The following MAPK11 variants were observed in gnomAD, a reference collection of about 807,000 sequenced individuals.
The protein encoded by MAPK11 is MAP kinase 11.
Under a neutral mutation model 52.2 loss-of-function variants are expected in MAPK11, and 44 were observed. The observed-to-expected ratio is 0.84, with a 90% CI of 0.66 to 1.08. The LOEUF (loss-of-function observed/expected upper bound fraction) is 1.08, where lower values mean the gene tolerates loss of function less well. Among genes scored for constraint, MAPK11 ranks in the 50% least tolerant of loss-of-function variants. The pLI is 0.00. For missense variants in MAPK11, 436 were observed against 494.7 expected (o/e 0.88, Z 1.13); for synonymous variants, 233 against 206.3 (o/e 1.13, Z -1.11).
In MAPK11 at chr22:50,267,853, C is replaced by A; in HGVS notation, c.213G>T (p.Glu71Asp). ...SLIHARRTYR[E>D]LRLLKHLKHE... ...GCTTCAGGTGCTTGAGCAGCCGCAG[C>A]TCCCGGTACGTTCTGCGCGCGTGGA... The change falls in exon 2 of 12, where the codon GAG becomes GAT. Residue 71 changes from glutamate (E) to aspartate (D), a missense_variant. Physicochemically the swap from Glu to Asp is conservative, Grantham distance 45. Coordinates refer to ENST00000330651, the MANE Select transcript of MAPK11 (RefSeq NM_002751.7). 1 of 1,582,788 alleles carries A rather than the reference C, an allele frequency of 6.3e-7. No individual in the cohort carries two copies. Among genetic ancestry groups the A allele is most frequent in the Non-Finnish European group, 8.6e-7 (1 of 1,167,612 alleles).
At position 50,267,121 on chromosome 22, in the gene MAPK11, C is replaced by T. The variant is rs770122118; in HGVS notation, c.495+6G>A. 1 of 1,611,956 alleles carries T rather than the reference C, an allele frequency of 6.2e-7. No individual in the cohort carries two copies. The highest frequency in any genetic ancestry group is 8.5e-7 in the Non-Finnish European group (1 of 1,179,604). On this transcript the variant is annotated splice_donor_region_variant and intron_variant, in intron 6 of 11. Coordinates refer to ENST00000330651, the MANE Select transcript of MAPK11 (RefSeq NM_002751.7). ...CGCCCTGCCCACCCCTGCCCACGGGCCTCACCCTGAGCTCACAGTCCTCGT... is the reference window on the plus strand; with the variant it reads ...CGCCCTGCCCACCCCTGCCCACGGGTCTCACCCTGAGCTCACAGTCCTCGT...
At chr22:50,267,669 G>T in intron 2 of MAPK11, 42 bp from the exon 3 acceptor site, 1 of 1,502,868 alleles carries the variant, frequency 6.7e-7, no homozygotes. Context: ...CGAACCCCCG[G>T]CTGTCGTTCA....
chr22:50,267,115 C>T lies in MAPK11; in HGVS notation c.495+12G>A. 1 of 1,611,796 alleles carries T rather than the reference C, an allele frequency of 6.2e-7. No homozygotes were observed. Among genetic ancestry groups the T allele is most frequent in the Non-Finnish European group, 8.5e-7 (1 of 1,179,544 alleles). Reference sequence around the variant, plus strand: ...CGCCGCCGCCCTGCCCACCCCTGCCCACGGGCCTCACCCTGAGCTCACAGT... The same window carrying T: ...CGCCGCCGCCCTGCCCACCCCTGCCTACGGGCCTCACCCTGAGCTCACAGT... On this transcript the variant is annotated intron_variant, in intron 6 of 11. Transcript: ENST00000330651.
Position 50,266,987 on chromosome 22 carries a change from C to A in MAPK11, c.557G>T (p.Arg186Leu). The A allele has an allele frequency of 6.2e-7, 1 of 1,612,466 alleles. No individual in the cohort carries two copies. Among genetic ancestry groups the A allele is most frequent in the Non-Finnish European group, 8.5e-7 (1 of 1,179,974 alleles). Residue 186 changes from arginine (R) to leucine (L), a missense_variant, in exon 7 of 12, where the codon CGC becomes CTC. Arg to Leu is a moderately radical substitution (Grantham distance 102). Transcript: ENST00000330651. Reference sequence around the variant, plus strand: ...CATGATCTCAGGTGCCCGGTACCAGCGCGTGGCCACATAGCCGGTCATCTC... The same window carrying A: ...CATGATCTCAGGTGCCCGGTACCAGAGCGTGGCCACATAGCCGGTCATCTC... Reference protein sequence around the residue: ...DEEMTGYVATRWYRAPEIMLN... With the variant: ...DEEMTGYVATLWYRAPEIMLN...
At chr22:50,268,443 G>T (rs1286318484) in intron 1 of MAPK11, among the ~76,000 whole-genome samples, 2 of 152,214 alleles carry the variant, frequency 1.3e-5, no homozygotes, top group Non-Finnish European at 2.9e-5. Flanking sequence ...AATACGGAGG[G>T]AAAGTTGGTC....
At chr22:50,265,225 C>T in intron 11 of MAPK11, 96 bp downstream of exon 11, 1 of 1,528,872 alleles carries the variant, frequency 6.5e-7, no homozygotes, top group East Asian at 2.3e-5. Flanking sequence ...CCCTTCCACA[C>T]CTGACCAGTC....
chr22:50,267,778 CCCCCGCACGCGCCCT>C (rs2065277481), intron 2 of MAPK11, 27 bp downstream of exon 2: 7 of 1,481,918 alleles, frequency 4.7e-6, no homozygotes, highest in Non-Finnish European at 5.4e-6. Flanking sequence ...CGCGGCCCCG[CCCCCGCACGCGCCCT>C]CCCCCCACGG....
rs1230649162 is a variant in MAPK11 at position 50,267,458 on chromosome 22, G to A, written c.330C>T (p.Gly110=). ...SEVYLVTTLM[G]ADLNNIVKCQ... is the part of the protein sequence containing the mutation. ...ACTTGACGATGTTGTTCAGGTCGGC[G>A]CCCATCAGGGTGGTCACCAAGTACC... The change falls in exon 4 of 12, where the codon GGC becomes GGT. Residue 110 remains glycine (G), a synonymous_variant. Transcript: ENST00000330651. The A allele has an allele frequency of 1.3e-5, 21 of 1,608,004 alleles. No homozygotes were observed. The highest frequency in any genetic ancestry group is 1.7e-5 in the Non-Finnish European group (20 of 1,177,892).
chr22:50,267,895 G>T lies in MAPK11; in HGVS notation c.171C>A (p.Arg57=). ...RQKVAVKKLS[R]PFQSLIHARR... Reference sequence around the variant, plus strand: ...GCGCGTGGATCAGCGACTGGAAGGGGCGCGACAGCTTCTTCACCGCCACCT... The same window carrying T: ...GCGCGTGGATCAGCGACTGGAAGGGTCGCGACAGCTTCTTCACCGCCACCT... Residue 57 remains arginine, a synonymous_variant, in exon 2 of 12, where the codon CGC becomes CGA. Coordinates refer to ENST00000330651, the MANE Select transcript of MAPK11 (RefSeq NM_002751.7). The T allele has an allele frequency of 3.8e-6, 6 of 1,588,068 alleles. No individual in the cohort carries two copies. The highest frequency in any genetic ancestry group is 5.1e-6 in the Non-Finnish European group (6 of 1,169,798).
Position 50,264,978 on chromosome 22 carries a change from C to T in MAPK11, c.1065G>A (p.Lys355=), listed in dbSNP as rs1315343331. 6.2e-7 allele frequency: 1 copy of T among 1,613,036 alleles called. No homozygotes were observed. The highest frequency in any genetic ancestry group is 1.1e-5 in the South Asian group (1 of 90,872). The part of the protein sequence containing the change: ...VLSFKPPEPP[K]PPGSLEIEQ Reference sequence around the variant, plus strand: ...GCTCAATCTCCAGGCTGCCAGGTGGCTTCGGTGGCTCTGGGGGCTTGAAGC... The same window carrying T: ...GCTCAATCTCCAGGCTGCCAGGTGGTTTCGGTGGCTCTGGGGGCTTGAAGC... Residue 355 remains lysine (K), a synonymous_variant, in exon 12 of 12, where the codon AAG becomes AAA. Coordinates refer to ENST00000330651, the MANE Select transcript of MAPK11 (RefSeq NM_002751.7).
chr22:50,268,376 G>A (rs539910615), intron 1 of MAPK11, among the ~76,000 whole-genome samples: 9 of 152,340 alleles, frequency 5.9e-5, no homozygotes, highest in Non-Finnish European at 1.2e-4. Context: ...GGCTCACAGA[G>A]GGGGATTCTA....
rs1367813189 is a variant in MAPK11, at chr22:50,264,309, CG to C, written c.*638del. On this transcript the variant is annotated 3_prime_UTR_variant, in exon 12 of 12. Transcript: ENST00000330651. ...TCACATGTGCCCTGACATATGAACA[CG>C]GGGAGTGCACGCTCATCCACACGTG... 1 of 152,440 alleles carries C rather than the reference CG, an allele frequency of 6.6e-6. No individual in the cohort carries two copies. Among genetic ancestry groups the C allele is most frequent in the South Asian group, 2.1e-4 (1 of 4,840 alleles). The allele number at this position is 152,440 out of a possible 1,614,324, so 9.4% of individuals were successfully genotyped here. A position where few individuals can be genotyped will look rare whatever the true frequency, so the allele number is the denominator to read the frequency against.
rs753406866 is a variant in MAPK11, at chr22:50,267,962, C to A, written c.117-13G>T. On this transcript the variant is annotated splice_polypyrimidine_tract_variant and intron_variant, in intron 1 of 11. Coordinates refer to ENST00000330651, the MANE Select transcript of MAPK11 (RefSeq NM_002751.7). ...GTCGTAGGCCGAACTGGAAGGCGGG[C>A]GAGTGAGGCGGCGCCGGGAGGGGTC... is the stretch of plus-strand genomic sequence containing the variant. The A allele has an allele frequency of 1.0e-5, 16 of 1,539,086 alleles. 1 individual carries two copies. Among genetic ancestry groups the A allele is most frequent in the South Asian group, 6.0e-5 (5 of 82,804 alleles).
intron 2 of MAPK11, 84 bp downstream of exon 2, chr22:50,267,736 A>G (rs926671560): frequency 3.4e-6 from 3 of 894,476 alleles, no homozygotes; most frequent in African/African-American, 4.5e-5. Flanking sequence ...CCCCGCCCCC[A>G]TCGCCAGGGC....
chr22:50,266,859 G>T, intron 7 of MAPK11, 75 bp downstream of exon 7: 4 of 1,413,938 alleles, frequency 2.8e-6, no homozygotes, highest in Non-Finnish European at 3.9e-6. Context: ...TGCCCCCTAA[G>T]ACCTGGCATG....
chr22:50,264,810 C>CG lies in MAPK11; in HGVS notation c.*137_*138insC. The CG allele has an allele frequency of 1.7e-6, 1 of 593,118 alleles. No homozygotes were observed. Among genetic ancestry groups the CG allele is most frequent in the South Asian group, 2.2e-5 (1 of 44,986 alleles). 36.7% of individuals were successfully genotyped at this position (593,118 alleles called of 1,614,324 possible). A position where few individuals can be genotyped will look rare whatever the true frequency, so the allele number is the denominator to read the frequency against. ...GCATGCATACATGCGTGTAGATTCTCCTGAAGGCGAGGGGTCCTAGGCCAG... is the reference window on the plus strand; with the variant it reads ...GCATGCATACATGCGTGTAGATTCTCGCTGAAGGCGAGGGGTCCTAGGCCAG... On this transcript the variant is annotated 3_prime_UTR_variant, in exon 12 of 12. Coordinates refer to ENST00000330651, the MANE Select transcript of MAPK11 (RefSeq NM_002751.7).
intron 9 of MAPK11, 41 bp downstream of exon 9, chr22:50,266,185 A>G: frequency 6.7e-7 from 1 of 1,498,280 alleles, no homozygotes; most frequent in Non-Finnish European, 9.1e-7. Flanking sequence ...CTGGGGGCTC[A>G]GCCAGGAGAG....
rs200660746 is a variant in MAPK11, at chr22:50,267,892, G to A, written c.174C>T (p.Pro58=). The A allele has an allele frequency of 6.3e-7, 1 of 1,588,536 alleles. No individual in the cohort carries two copies. The highest frequency in any genetic ancestry group is 8.5e-7 in the Non-Finnish European group (1 of 1,170,030). The part of the protein sequence containing the change: ...QKVAVKKLSR[P]FQSLIHARRT... ...TGCGCGCGTGGATCAGCGACTGGAA[G>A]GGGCGCGACAGCTTCTTCACCGCCA... Residue 58 remains proline, a synonymous_variant, in exon 2 of 12, where the codon CCC becomes CCT. Transcript: ENST00000330651.
chr22:50,267,495 C>A lies in MAPK11; in HGVS notation c.306-13G>T. ...GGTCACCAAGTACCTGGGGCGGGGT[C>A]AGGGGGTCAGGACAGGGCCCCACCG... On this transcript the variant is annotated splice_polypyrimidine_tract_variant and intron_variant, in intron 3 of 11. Coordinates refer to ENST00000330651, the MANE Select transcript of MAPK11 (RefSeq NM_002751.7). 6.3e-7 allele frequency: 1 copy of A among 1,593,714 alleles called. No individual in the cohort carries two copies.
Sources: allele counts gnomAD v4.1 joint callset (sites outside exome capture counted in the v4.1 genomes callset), GRCh38; gene constraint gnomAD v4.1.1; transcripts MANE v1.5; gene names NCBI Gene and HGNC (gene_info 2026-07-23, HGNC 2026-07-21).